EXOC6B: variants seen among roughly 807,000 people sequenced by gnomAD.
The protein encoded by EXOC6B is exocyst complex component 6B.
A neutral mutation model predicts 113.5 loss-of-function variants in EXOC6B; 54 were observed. The observed-to-expected ratio is 0.48, with a 90% CI of 0.38 to 0.60. The LOEUF is 0.60. Ranked by LOEUF, EXOC6B falls within the 20% of genes least tolerant of loss-of-function variation. The pLI is 0.00. For synonymous variants in EXOC6B, 357 were observed against 339.0 expected, an observed-to-expected ratio of 1.05 and a Z score of -0.58; for missense variants, 797 against 977.5, an observed-to-expected ratio of 0.82 and a Z score of 2.46.
chr2:72,249,387 T>C (rs1682868483), intron 20 of EXOC6B, among the ~76,000 whole-genome samples: 1 of 151,868 alleles, frequency 6.6e-6, no homozygotes, highest in Non-Finnish European at 1.5e-5. Flanking sequence ...CCCGAGTAGC[T>C]GGGACTATAG....
At chr2:72,370,343 A>T (rs1478082549) in intron 19 of EXOC6B, among the ~76,000 whole-genome samples, 1 of 152,210 alleles carries the variant, frequency 6.6e-6, no homozygotes, top group Admixed American at 6.5e-5. Context: ...AATGGCGATC[A>T]TTAAAAAGTC....
At chr2:72,362,899 G>C (rs147731739) in intron 19 of EXOC6B, among the ~76,000 whole-genome samples, 13 of 152,258 alleles carry the variant, frequency 8.5e-5, no homozygotes, top group African/African-American at 2.9e-4. Flanking sequence ...CTGGTAACAA[G>C]TGGTTGAGCT....
intron 6 of EXOC6B, among the ~76,000 whole-genome samples, chr2:72,641,060 T>C (rs1673186848): frequency 6.6e-6 from 1 of 152,220 alleles, no homozygotes; most frequent in Non-Finnish European, 1.5e-5. Context: ...TTTGACAGAT[T>C]ATCAAGACAG....
At chr2:72,521,737 C>T (rs1701498206) in intron 8 of EXOC6B, among the ~76,000 whole-genome samples, 1 of 152,164 alleles carries the variant, frequency 6.6e-6, no homozygotes, top group South Asian at 2.1e-4. Flanking sequence ...CGCTCTGTCA[C>T]TCAGGCTGGA....
At chr2:72,298,431 CTT>C (rs1686288300) in intron 20 of EXOC6B, among the ~76,000 whole-genome samples, 2 of 151,976 alleles carry the variant, frequency 1.3e-5, no homozygotes, top group Non-Finnish European at 2.9e-5. Flanking sequence ...GGTCTTGACT[CTT>C]TATCCAATTT....
chr2:72,353,349 GTTGTATTGTA>G lies in EXOC6B; in HGVS notation c.2123-18339_2123-18330del, dbSNP rs371125530. 4.7e-4 allele frequency among the ~76,000 whole-genome samples: 67 copies of G among 142,360 alleles called. 2 individuals carry two copies. The highest frequency in any genetic ancestry group is 8.6e-4 in the African/African-American group (30 of 34,712). The allele number at this position is 142,360 out of a possible 152,430, so 93.4% of individuals were successfully genotyped here. A position where few individuals can be genotyped will look rare whatever the true frequency, so the allele number is the denominator to read the frequency against. The stretch of plus-strand genomic sequence containing the variant: ...CCCCATAATGAAAACTTTATATTTT[GTTGTATTGTA>G]TTGTATTGTATTGTATTGTATCGTA... On this transcript the variant is annotated intron_variant, in intron 19 of 21. Coordinates refer to ENST00000272427, the MANE Select transcript of EXOC6B (RefSeq NM_015189.3).
At chr2:72,550,847 C>A (rs1210282401) in intron 8 of EXOC6B, among the ~76,000 whole-genome samples, 1 of 151,672 alleles carries the variant, frequency 6.6e-6, no homozygotes, top group Non-Finnish European at 1.5e-5. Flanking sequence ...TTAAAAATAC[C>A]AATACTGTGT....
At chr2:72,231,243 G>A (rs1178748178) in intron 20 of EXOC6B, among the ~76,000 whole-genome samples, 3 of 151,924 alleles carry the variant, frequency 2.0e-5, no homozygotes, top group African/African-American at 7.3e-5. Flanking sequence ...GCCAAATCTG[G>A]GGAAATAGAT....
At chr2:72,401,272 G>T (rs1201073722) in intron 18 of EXOC6B, among the ~76,000 whole-genome samples, 1 of 150,160 alleles carries the variant, frequency 6.7e-6, no homozygotes, top group Non-Finnish European at 1.5e-5. Flanking sequence ...GACCAGCCTG[G>T]CCAGTGTGGT....
At chr2:72,460,419 C>A (rs1232647488) in intron 18 of EXOC6B, among the ~76,000 whole-genome samples, 6 of 151,714 alleles carry the variant, frequency 4.0e-5, no homozygotes, top group Non-Finnish European at 8.8e-5. Context: ...AGTGAACAGG[C>A]AACCTACAAA....
At chr2:72,189,066 A>G (rs1396358767) in intron 20 of EXOC6B, among the ~76,000 whole-genome samples, 3 of 152,208 alleles carry the variant, frequency 2.0e-5, no homozygotes, top group African/African-American at 7.2e-5. Context: ...ACTTCAGTTA[A>G]TTTAATGTTG....
At chr2:72,498,657 C>G in intron 12 of EXOC6B, 106 bp from the exon 13 acceptor site, 1 of 620,664 alleles carries the variant, frequency 1.6e-6, no homozygotes, top group Non-Finnish European at 2.7e-6. Context: ...AAAAACATTA[C>G]ATTCTTTGAA....
chr2:72,219,607 A>G (rs928836528), intron 20 of EXOC6B, among the ~76,000 whole-genome samples: 1 of 151,904 alleles, frequency 6.6e-6, no homozygotes, highest in Admixed American at 6.6e-5. Context: ...ATCTAACCTA[A>G]GCTAAGTCAA....
chr2:72,274,614 A>T (rs1684702442), intron 20 of EXOC6B, among the ~76,000 whole-genome samples: 1 of 152,144 alleles, frequency 6.6e-6, no homozygotes. Context: ...GTCCTAACTG[A>T]AACTTCTTTT....
chr2:72,706,300 G>T (rs566092077), intron 6 of EXOC6B, among the ~76,000 whole-genome samples: 1 of 152,264 alleles, frequency 6.6e-6, no homozygotes, highest in South Asian at 2.1e-4. Flanking sequence ...CCAGCTGAAA[G>T]GTGTGTGTGT....
chr2:72,389,783 T>C (rs1054562322), intron 18 of EXOC6B, among the ~76,000 whole-genome samples: 12 of 152,224 alleles, frequency 7.9e-5, no homozygotes, highest in East Asian at 1.9e-4. Context: ...GTATGTACTA[T>C]GTATTTTTTC....
At chr2:72,622,202 A>T (rs1370078332) in intron 6 of EXOC6B, among the ~76,000 whole-genome samples, 1 of 151,322 alleles carries the variant, frequency 6.6e-6, no homozygotes, top group Non-Finnish European at 1.5e-5. Context: ...TATATCTTAT[A>T]AATAACATTT....
At chr2:72,488,735 C>T (rs1699567377) in intron 16 of EXOC6B, among the ~76,000 whole-genome samples, 2 of 152,160 alleles carry the variant, frequency 1.3e-5, no homozygotes, top group Non-Finnish European at 2.9e-5. Context: ...ATAGCTACCA[C>T]CCAGTCTCAC....
At chr2:72,801,621 T>C (rs551635553) in intron 1 of EXOC6B, among the ~76,000 whole-genome samples, 1 of 152,128 alleles carries the variant, frequency 6.6e-6, no homozygotes, top group Non-Finnish European at 1.5e-5. Context: ...TTCTGTAACA[T>C]GAAAATAAAG....
Sources: gnomAD v4.1 joint callset for allele counts (sites outside exome capture counted in the v4.1 genomes callset) on GRCh38, gnomAD v4.1.1 for gene constraint, MANE v1.5 for transcripts, NCBI Gene and HGNC (gene_info 2026-07-23, HGNC 2026-07-21) for gene names.